The following COLEC10 variants were observed in gnomAD, a reference collection of about 807,000 sequenced individuals.
COLEC10 encodes the protein collectin subfamily member 10, also known as collectin-10.
A neutral mutation model predicts 28.4 loss-of-function variants in COLEC10; 22 were observed. The observed-to-expected ratio is 0.78, with a 90% CI of 0.55 to 1.11. The LOEUF is 1.11. COLEC10 is among the 50% of genes least tolerant of loss of function. COLEC10 has a pLI of 0.00. For missense variants in COLEC10, 361 were observed against 344.1 expected, an observed-to-expected ratio of 1.05 and a Z score of -0.39; for synonymous variants, 125 against 116.1, an observed-to-expected ratio of 1.08 and a Z score of -0.49.
At chr8:118,968,589 G>GTA in the COLEC10 span, among the ~76,000 whole-genome samples, 3 of 150,846 alleles carry the variant, frequency 2.0e-5, no homozygotes, top group African/African-American at 7.3e-5. Context: ...ATATATGTGT[G>GTA]TATATATATA....
rs956444637 is a variant in COLEC10, at chr8:119,090,421, G to C, written c.220+670G>C. Reference sequence around the variant, plus strand: ...ATATTTCTTGCCAACTGCTACAAGAGGGCTGCCCTAGACCACTTATTTTAA... The same window carrying C: ...ATATTTCTTGCCAACTGCTACAAGACGGCTGCCCTAGACCACTTATTTTAA... On this transcript the variant is annotated intron_variant, in intron 2 of 5. Transcript: ENST00000332843. Among the ~76,000 whole-genome samples the C allele has an allele frequency of 3.3e-5, 5 of 152,266 alleles. No individual in the cohort carries two copies. In the East Asian group the frequency reaches 9.7e-4, roughly 29 times the overall value.
In COLEC10 at chr8:119,103,836, T is replaced by C. The variant is rs770939935; in HGVS notation, c.383T>C (p.Val128Ala). 4 of 1,612,936 alleles carry C rather than the reference T, an allele frequency of 2.5e-6. No homozygotes were observed. Among genetic ancestry groups the C allele is most frequent in the Non-Finnish European group, 3.4e-6 (4 of 1,179,150 alleles). ...VCDCGRYRKF[V>A]GQLDISIARL... is the part of the protein sequence containing the mutation. ...GATTGTGGAAGATACCGGAAATTTG[T>C]TGGACAACTGGATATTAGTATTGCT... is the stretch of plus-strand genomic sequence containing the variant. Residue 128 changes from valine to alanine, a missense_variant, in exon 5 of 6, where the codon GTT becomes GCT. Transcript: ENST00000332843.
At chr8:119,031,260 A>G (rs1005663340) in intron 2 of COLEC10, among the ~76,000 whole-genome samples, 1 of 152,230 alleles carries the variant, frequency 6.6e-6, no homozygotes, top group African/African-American at 2.4e-5. Flanking sequence ...TGTCGTGTAC[A>G]CCCTATCTGT....
intron 1 of COLEC10, among the ~76,000 whole-genome samples, chr8:119,004,333 T>C (rs1163551606): frequency 1.3e-5 from 2 of 151,890 alleles, no homozygotes; most frequent in African/African-American, 2.4e-5. Context: ...ATTTCTAGTG[T>C]CATAGACTTG....
intron 3 of COLEC10, among the ~76,000 whole-genome samples, chr8:119,091,822 C>T (rs1446448893): frequency 6.6e-6 from 1 of 152,070 alleles, no homozygotes; most frequent in Admixed American, 6.6e-5. Flanking sequence ...GAAACAGAAT[C>T]AAGCATCAAG....
intron 2 of COLEC10, among the ~76,000 whole-genome samples, chr8:119,031,873 G>A (rs1460198340): frequency 6.7e-6 from 1 of 149,994 alleles, no homozygotes; most frequent in Non-Finnish European, 1.5e-5. Context: ...CTTAAAGAAT[G>A]AGACCTTAAT....
At chr8:119,022,214 T>C (rs1173687365) in intron 2 of COLEC10, among the ~76,000 whole-genome samples, 1 of 152,160 alleles carries the variant, frequency 6.6e-6, no homozygotes, top group African/African-American at 2.4e-5. Context: ...GAGTCTGGAT[T>C]CTATGTGTTC....
At chr8:118,997,982 G>A (rs1159625647) in intron 1 of COLEC10, among the ~76,000 whole-genome samples, 2 of 152,128 alleles carry the variant, frequency 1.3e-5, no homozygotes, top group African/African-American at 4.8e-5. Flanking sequence ...CATTAAGGTG[G>A]CAGCATTGAA....
intron 3 of COLEC10, among the ~76,000 whole-genome samples, chr8:119,100,999 G>A (rs1259691563): frequency 6.6e-6 from 1 of 152,144 alleles, no homozygotes; most frequent in Non-Finnish European, 1.5e-5. Context: ...AACTATGTAA[G>A]GAACTTTTAA....
intron 2 of COLEC10, among the ~76,000 whole-genome samples, chr8:119,026,443 C>G (rs1814193170): frequency 6.6e-6 from 1 of 152,062 alleles, no homozygotes; most frequent in Admixed American, 6.6e-5. Context: ...TGGCACGTGC[C>G]TACAATCCCA....
At chr8:119,060,803 G>A (rs2130195157) in intron 2 of COLEC10, among the ~76,000 whole-genome samples, 1 of 152,232 alleles carries the variant, frequency 6.6e-6, no homozygotes, top group South Asian at 2.1e-4. Flanking sequence ...AACTCCACTT[G>A]CATATGCAGA....
At chr8:118,977,102 AG>A in the COLEC10 span, among the ~76,000 whole-genome samples, 34 of 150,376 alleles carry the variant, frequency 2.3e-4, 1 homozygote, top group Middle Eastern at 3.4e-3. Flanking sequence ...AGGAAACAAC[AG>A]GTGCTGGAGA....
intron 4 of COLEC10, 94 bp from the exon 5 acceptor site, chr8:119,103,706 A>T: frequency 2.6e-6 from 2 of 759,576 alleles, no homozygotes; most frequent in Non-Finnish European, 4.7e-6. Flanking sequence ...ACCAGACTAG[A>T]AAAAGATAGT....
intron 3 of COLEC10, among the ~76,000 whole-genome samples, chr8:119,099,714 T>C (rs1329395468): frequency 6.6e-6 from 1 of 152,198 alleles, no homozygotes; most frequent in African/African-American, 2.4e-5. Flanking sequence ...GAAACTGTTT[T>C]CTATATTATT....
At chr8:118,979,010 A>C in the COLEC10 span, among the ~76,000 whole-genome samples, 1 of 151,946 alleles carries the variant, frequency 6.6e-6, no homozygotes, top group Non-Finnish European at 1.5e-5. Flanking sequence ...AGATGTTTTA[A>C]ATTTAAGTAG....
At chr8:118,955,790 G>T in the COLEC10 span, among the ~76,000 whole-genome samples, 1 of 152,184 alleles carries the variant, frequency 6.6e-6, no homozygotes, top group Non-Finnish European at 1.5e-5. Context: ...TTCCAGTACG[G>T]TTGCTGCATG....
rs755362420 is a variant in COLEC10 at position 119,107,924 on chromosome 8, G to T, written c.*1733G>T. Among the ~76,000 whole-genome samples, 3 of 152,114 alleles carry T rather than the reference G, an allele frequency of 2.0e-5. No homozygotes were observed. Among genetic ancestry groups the T allele is most frequent in the Admixed American group, 6.6e-5 (1 of 15,256 alleles). ...GGGTTAAAAATTAATTAAAATTAAA[G>T]ATTTGAGGTCAAAAGTCTTCTAGCT... On this transcript the variant is annotated 3_prime_UTR_variant, in exon 6 of 6. Coordinates refer to ENST00000332843, the MANE Select transcript of COLEC10 (RefSeq NM_006438.5).
In COLEC10 at chr8:119,059,584, A is replaced by T. The variant is rs189278766; in HGVS notation, n.236-30096A>T. Among the ~76,000 whole-genome samples the T allele has an allele frequency of 1.6e-4, 25 of 152,180 alleles. No homozygotes were observed. The South Asian group carries it at 2.5e-3, about 15-fold the overall frequency. On this transcript the variant is annotated intron_variant and non_coding_transcript_variant, in intron 2 of 6. Transcript: ENST00000521788. Reference sequence around the variant, plus strand: ...GTACTTTGTTTGCATATCTCCCTCCATATTGAGCCTATCTCTGTGAAAGCA... The same window carrying T: ...GTACTTTGTTTGCATATCTCCCTCCTTATTGAGCCTATCTCTGTGAAAGCA...
chr8:119,006,096 T>C (rs1018181756), intron 1 of COLEC10, among the ~76,000 whole-genome samples: 4 of 152,072 alleles, frequency 2.6e-5, no homozygotes, highest in Non-Finnish European at 5.9e-5. Flanking sequence ...GGAGTTCATT[T>C]TCTACCCTCT....
Sources: gnomAD v4.1 joint callset for allele counts (sites outside exome capture counted in the v4.1 genomes callset) on GRCh38, gnomAD v4.1.1 for gene constraint, MANE v1.5 for transcripts, NCBI Gene and HGNC (gene_info 2026-07-23, HGNC 2026-07-21) for gene names.